Variants in RPTOR observed in about 807,000 individuals in gnomAD.
RPTOR encodes the protein regulatory-associated protein of mTOR.
Under a neutral mutation model 169.9 loss-of-function variants are expected in RPTOR, and 21 were observed. The observed-to-expected ratio is 0.12, with a 90% confidence interval of 0.09 to 0.18. RPTOR has a LOEUF of 0.18. Among genes scored for constraint, RPTOR ranks in the 10% least tolerant of loss-of-function variants. The probability of loss-of-function intolerance (pLI) is 1.00; values close to 1 mark genes in which losing one functional copy is unlikely to be tolerated. For synonymous variants in RPTOR, 732 were observed against 753.2 expected (o/e 0.97, Z 0.46); for missense variants, 1,133 against 1,855.9 (o/e 0.61, Z 7.16).
intron 1 of RPTOR, among the ~76,000 whole-genome samples, chr17:80,608,139 T>C (rs2065241805): frequency 6.6e-6 from 1 of 152,232 alleles, no homozygotes; most frequent in African/African-American, 2.4e-5. Flanking sequence ...CTCTCTCATT[T>C]TTCAGTTTAC....
At chr17:80,564,988 T>C (rs895011957) in intron 1 of RPTOR, among the ~76,000 whole-genome samples, 3 of 152,242 alleles carry the variant, frequency 2.0e-5, no homozygotes, top group Non-Finnish European at 4.4e-5. Context: ...TATGTTGATC[T>C]CTGGCATGTA....
intron 1 of RPTOR, among the ~76,000 whole-genome samples, chr17:80,614,393 T>G (rs893322050): frequency 3.9e-5 from 6 of 152,252 alleles, no homozygotes; most frequent in African/African-American, 1.4e-4. Context: ...TCTGCTTGAA[T>G]TTTTGTCAAC....
intron 10 of RPTOR, 96 bp downstream of exon 10, chr17:80,838,093 G>T: frequency 1.0e-6 from 1 of 984,838 alleles, no homozygotes; most frequent in Admixed American, 2.5e-5. Context: ...TGGTGCCCAG[G>T]ACTCTCGGGT....
Position 80,566,823 on chromosome 17 carries a change from C to CAAAAAAA in RPTOR, c.162+21055_162+21061dup, listed in dbSNP as rs56295360. Among the ~76,000 whole-genome samples the CAAAAAAA allele has an allele frequency of 5.1e-4, 43 of 83,980 alleles. 2 individuals are homozygous for CAAAAAAA. The highest frequency in any genetic ancestry group is 2.1e-3 in the African/African-American group (41 of 19,902). 55.1% of individuals were successfully genotyped at this position (83,980 alleles called of 152,430 possible). ...TGGGCGACAGAGCGAGACTCCGTCT[C>CAAAAAAA]AAAAAAAAAAAAAAAAAAAAAAAAA... On this transcript the variant is annotated intron_variant, in intron 1 of 33. Transcript: ENST00000306801.
At chr17:80,963,157 A>C in intron 33 of RPTOR, 100 bp downstream of exon 33, 1 of 1,154,334 alleles carries the variant, frequency 8.7e-7, no homozygotes, top group South Asian at 1.4e-5. Flanking sequence ...GCTACCCCAC[A>C]CCACAGTGGG....
intron 9 of RPTOR, among the ~76,000 whole-genome samples, chr17:80,835,256 CT>C (rs1247382110): frequency 1.3e-5 from 2 of 152,060 alleles, no homozygotes; most frequent in Non-Finnish European, 2.9e-5. Context: ...TAAACTTTTA[CT>C]TTTTTTTCTG....
At chr17:80,869,988 G>T (rs1346603985) in intron 13 of RPTOR, among the ~76,000 whole-genome samples, 1 of 152,174 alleles carries the variant, frequency 6.6e-6, no homozygotes, top group Non-Finnish European at 1.5e-5. Context: ...GGTAGTGGTT[G>T]TTTTAATAAG....
chr17:80,558,684 A>G (rs1465086651), intron 1 of RPTOR, among the ~76,000 whole-genome samples: 1 of 152,112 alleles, frequency 6.6e-6, no homozygotes, highest in Non-Finnish European at 1.5e-5. Context: ...CTGTCTCCTT[A>G]GAGGAGGCCA....
At chr17:80,709,988 T>G (rs1476611287) in intron 4 of RPTOR, among the ~76,000 whole-genome samples, 1 of 152,050 alleles carries the variant, frequency 6.6e-6, no homozygotes, top group African/African-American at 2.4e-5. Context: ...AACTTTTTTT[T>G]TTTTTTGAAA....
At chr17:80,944,505 G>A (rs1038541175) in intron 25 of RPTOR, among the ~76,000 whole-genome samples, 1 of 152,176 alleles carries the variant, frequency 6.6e-6, no homozygotes, top group Non-Finnish European at 1.5e-5. Context: ...CTGCGGCCAG[G>A]GCCCCTGGGC....
At chr17:80,904,551 CTT>C (rs1253703821) in intron 20 of RPTOR, among the ~76,000 whole-genome samples, 1 of 152,152 alleles carries the variant, frequency 6.6e-6, no homozygotes, top group Admixed American at 6.5e-5. Flanking sequence ...TCATTATGAT[CTT>C]TTATTACTTT....
At chr17:80,825,375 C>A (rs1045168023) in intron 9 of RPTOR, among the ~76,000 whole-genome samples, 1 of 152,274 alleles carries the variant, frequency 6.6e-6, no homozygotes, top group Non-Finnish European at 1.5e-5. Context: ...TGGCACAGGG[C>A]AGCCACATCC....
chr17:80,822,065 G>T, intron 7 of RPTOR, 136 bp from the exon 8 acceptor site: 1 of 750,080 alleles, frequency 1.3e-6, no homozygotes, highest in Non-Finnish European at 2.4e-6. Context: ...CCTGCCGTGC[G>T]CCAAGCTTCT....
chr17:80,583,201 T>G (rs997593376), intron 1 of RPTOR, among the ~76,000 whole-genome samples: 2 of 146,404 alleles, frequency 1.4e-5, no homozygotes, highest in African/African-American at 5.1e-5. Flanking sequence ...TTTTTTTTTT[T>G]TTTTTGAGAC....
At position 80,638,297 on chromosome 17, in the gene RPTOR, G is replaced by T. The variant is rs143441070; in HGVS notation, c.266-5431G>T. 5.3e-5 allele frequency among the ~76,000 whole-genome samples: 8 copies of T among 152,300 alleles called. No individual in the cohort carries two copies. In the East Asian group the frequency reaches 1.5e-3, roughly 29 times the overall value. On this transcript the variant is annotated intron_variant, in intron 2 of 33. Transcript: ENST00000306801. ...TGGGCCTGGGGGGTCAGTAGCACCC[G>T]TTAGCCACGGCCAGTCACAGCCGTA...
chr17:80,653,779 A>T (rs2065658775), intron 3 of RPTOR, among the ~76,000 whole-genome samples: 1 of 151,988 alleles, frequency 6.6e-6, no homozygotes, highest in Admixed American at 6.6e-5. Flanking sequence ...TTCCTTTCTG[A>T]TGTAGTCATC....
At position 80,752,185 on chromosome 17, in the gene RPTOR, T is replaced by A. The variant is rs747122453; in HGVS notation, c.655-1825T>A. Among the ~76,000 whole-genome samples the A allele has an allele frequency of 9.7e-4, 148 of 152,338 alleles. 1 individual carries two copies. The highest frequency in any genetic ancestry group is 3.4e-3 in the Middle Eastern group (1 of 294). ...TTCTTCTTGTTTTGTCTGTTCCCTG[T>A]CTCTTTCTGTCCCTTTGTTTCCTGC... On this transcript the variant is annotated intron_variant, in intron 5 of 33. Transcript: ENST00000306801.
chr17:80,661,078 C>A (rs551171347), intron 3 of RPTOR, among the ~76,000 whole-genome samples: 1 of 152,348 alleles, frequency 6.6e-6, no homozygotes, highest in Non-Finnish European at 1.5e-5. Context: ...CGACCTACCA[C>A]ACTTAAGGTT....
chr17:80,870,059 G>A (rs547737086), intron 13 of RPTOR, among the ~76,000 whole-genome samples: 1 of 152,316 alleles, frequency 6.6e-6, no homozygotes. Flanking sequence ...AGGAGGGGGA[G>A]AGTTAATTAA....
Sources: gnomAD v4.1 joint callset for allele counts (sites outside exome capture counted in the v4.1 genomes callset) on GRCh38, gnomAD v4.1.1 for gene constraint, MANE v1.5 for transcripts, NCBI Gene and HGNC (gene_info 2026-07-23, HGNC 2026-07-21) for gene names.